The following BMPER variants were observed in gnomAD, a reference collection of about 807,000 sequenced individuals.
BMPER encodes the protein BMP binding endothelial regulator, also known as BMP-binding endothelial regulator protein.
Under a neutral mutation model 87.3 loss-of-function variants are expected in BMPER, and 45 were observed. The ratio of observed to expected loss-of-function variants is 0.52; its 90% CI spans 0.41 to 0.66. The LOEUF (loss-of-function observed/expected upper bound fraction) is 0.66, where lower values mean the gene tolerates loss of function less well. BMPER is among the 30% of genes least tolerant of loss of function. BMPER has a pLI of 0.00. For synonymous variants in BMPER, 326 were observed against 316.2 expected, an observed-to-expected ratio of 1.03 and a Z score of -0.33; for missense variants, 784 against 867.5, an observed-to-expected ratio of 0.90 and a Z score of 1.21.
chr7:33,928,342 C>A (rs879871281), intron 2 of BMPER, among the ~76,000 whole-genome samples: 3 of 152,136 alleles, frequency 2.0e-5, no homozygotes, highest in Admixed American at 6.5e-5. Flanking sequence ...CCTGGCTCTG[C>A]GTGTTCCCTC....
In BMPER at chr7:34,030,032, A is replaced by C. The variant is rs77551795; in HGVS notation, c.577-16274A>C. On this transcript the variant is annotated intron_variant, in intron 6 of 14. Transcript: ENST00000649409. ...AGTTAAATGAATAAAAGTTCCAAAAATTCAATTCAATTCTGAGCAGGAATC... is the reference window on the plus strand; with the variant it reads ...AGTTAAATGAATAAAAGTTCCAAAACTTCAATTCAATTCTGAGCAGGAATC... Among the ~76,000 whole-genome samples, 992 of 152,210 alleles carry C rather than the reference A, an allele frequency of 6.5e-3. 10 individuals are homozygous for C. Among genetic ancestry groups the C allele is most frequent in the African/African-American group, 0.023 (955 of 41,560 alleles).
At chr7:34,101,363 A>C (rs917419675) in intron 13 of BMPER, among the ~76,000 whole-genome samples, 3 of 152,220 alleles carry the variant, frequency 2.0e-5, no homozygotes, top group Admixed American at 2.0e-4. Flanking sequence ...TCATTTCTGC[A>C]AAAGGCATTT....
intron 6 of BMPER, among the ~76,000 whole-genome samples, chr7:34,020,754 A>G (rs1787157472): frequency 6.6e-6 from 1 of 151,914 alleles, no homozygotes; most frequent in African/African-American, 2.4e-5. Flanking sequence ...AGCAGACAAG[A>G]GCACCAGTTA....
chr7:34,130,032 T>C (rs1397526915), intron 13 of BMPER, among the ~76,000 whole-genome samples: 2 of 152,282 alleles, frequency 1.3e-5, no homozygotes, highest in South Asian at 4.1e-4. Flanking sequence ...AGGAGGGTAA[T>C]CTTTTCCCTG....
chr7:33,905,436 T>TCCC, upstream of BMPER: 3 of 20,338 alleles, frequency 1.5e-4, no homozygotes, highest in Non-Finnish European at 1.8e-4. Context: ...CACCTTGGTC[T>TCCC]CTCCCCCCGC....
At chr7:33,931,508 G>C (rs1404143749) in intron 2 of BMPER, among the ~76,000 whole-genome samples, 6 of 152,160 alleles carry the variant, frequency 3.9e-5, no homozygotes, top group Admixed American at 3.9e-4. Context: ...TTATTCTTCT[G>C]TTTATGAGAA....
At chr7:34,002,630 C>T (rs968323946) in intron 6 of BMPER, among the ~76,000 whole-genome samples, 1 of 151,682 alleles carries the variant, frequency 6.6e-6, no homozygotes, top group Admixed American at 6.6e-5. Context: ...GTATTGAATT[C>T]TCAAATTATT....
intron 2 of BMPER, among the ~76,000 whole-genome samples, chr7:33,912,434 G>C (rs1439949225): frequency 6.6e-6 from 1 of 152,058 alleles, no homozygotes; most frequent in Non-Finnish European, 1.5e-5. Context: ...ATTTTGTTTT[G>C]AGGCACTGGA....
At chr7:34,072,544 A>C (rs908964931) in intron 11 of BMPER, among the ~76,000 whole-genome samples, 2 of 151,320 alleles carry the variant, frequency 1.3e-5, no homozygotes, top group African/African-American at 4.9e-5. Flanking sequence ...TCCCTTTCAC[A>C]CTGTAAGGCC....
At chr7:33,991,530 G>C (rs1297813434) in intron 6 of BMPER, among the ~76,000 whole-genome samples, 1 of 151,864 alleles carries the variant, frequency 6.6e-6, no homozygotes, top group Non-Finnish European at 1.5e-5. Context: ...AATCTTGCTA[G>C]CAGTCTATCA....
chr7:34,009,067 T>A (rs916656703), intron 6 of BMPER, among the ~76,000 whole-genome samples: 1 of 151,804 alleles, frequency 6.6e-6, no homozygotes, highest in African/African-American at 2.4e-5. Context: ...CAAATGATCC[T>A]CCTGCCTTGA....
At chr7:33,964,712 C>G (rs191109032) in intron 3 of BMPER, among the ~76,000 whole-genome samples, 60 of 152,304 alleles carry the variant, frequency 3.9e-4, no homozygotes, top group Middle Eastern at 3.4e-3. Flanking sequence ...TTAACCCTGG[C>G]TCACATGGAT....
chr7:33,939,959 C>A, intron 3 of BMPER: 1 of 314,026 alleles, frequency 3.2e-6, no homozygotes, highest in Non-Finnish European at 7.4e-6. Context: ...CAGTGCTTGT[C>A]TCAAGGGTTT....
intron 13 of BMPER, among the ~76,000 whole-genome samples, chr7:34,117,339 C>G (rs1790144009): frequency 1.3e-5 from 2 of 152,154 alleles, no homozygotes; most frequent in African/African-American, 4.8e-5. Context: ...ATCAAAAGTA[C>G]TAGGCTTACA....
At chr7:33,970,268 C>T (rs983665409) in intron 4 of BMPER, 61 bp from the exon 5 acceptor site, 1 of 1,558,680 alleles carries the variant, frequency 6.4e-7, no homozygotes, top group Admixed American at 1.7e-5. Flanking sequence ...GGTCACTTTC[C>T]AAAAGTAGTA....
intron 6 of BMPER, among the ~76,000 whole-genome samples, chr7:34,039,603 TACAC>T (rs56214614): frequency 0.2 from 28,516 of 142,512 alleles, 2,778 homozygotes; most frequent in South Asian, 0.29. Context: ...GACACACAAA[TACAC>T]ACACACACAC....
chr7:34,063,615 A>G (rs1207072723), intron 11 of BMPER, among the ~76,000 whole-genome samples: 1 of 152,234 alleles, frequency 6.6e-6, no homozygotes, highest in Non-Finnish European at 1.5e-5. Context: ...GACTTAGTAG[A>G]GAATAATGCA....
chr7:34,055,142 A>T (rs745696462), intron 8 of BMPER, 21 bp from the exon 9 acceptor site: 2 of 1,614,034 alleles, frequency 1.2e-6, no homozygotes, highest in Non-Finnish European at 1.7e-6. Context: ...TTTAATTTCT[A>T]TTTTGCCTTT....
At position 34,153,765 on chromosome 7, in the gene BMPER, C is replaced by T. The variant is rs1791244898; in HGVS notation, c.*492C>T. On this transcript the variant is annotated 3_prime_UTR_variant, in exon 15 of 15. Coordinates refer to ENST00000649409, the MANE Select transcript of BMPER (RefSeq NM_001365308.1). ...AGGTTTCCAAAGAAAGGAATGTATGCCTGGGAAAGACAGCAGGAGATTGGT... is the reference window on the plus strand; with the variant it reads ...AGGTTTCCAAAGAAAGGAATGTATGTCTGGGAAAGACAGCAGGAGATTGGT... The T allele has an allele frequency of 5.6e-6, 1 of 178,540 alleles. No homozygotes were observed. Among genetic ancestry groups the T allele is most frequent in the African/African-American group, 2.4e-5 (1 of 41,696 alleles). 11.1% of individuals were successfully genotyped at this position (178,540 alleles called of 1,614,324 possible). A position where few individuals can be genotyped will look rare whatever the true frequency, so the allele number is the denominator to read the frequency against.
Sources: gnomAD v4.1 joint callset for allele counts (sites outside exome capture counted in the v4.1 genomes callset) on GRCh38, gnomAD v4.1.1 for gene constraint, MANE v1.5 for transcripts, NCBI Gene and HGNC (gene_info 2026-07-23, HGNC 2026-07-21) for gene names.